The following ABCC8 variants were observed in gnomAD, a reference collection of about 807,000 sequenced individuals.
ABCC8 encodes the protein ATP-binding cassette sub-family C member 8.
Under a neutral mutation model 188.0 loss-of-function variants are expected in ABCC8, and 137 were observed. The ratio of observed to expected loss-of-function variants is 0.73; its 90% CI spans 0.63 to 0.84. The LOEUF (loss-of-function observed/expected upper bound fraction) is 0.84. Ranked by LOEUF, ABCC8 falls within the 40% of genes least tolerant of loss-of-function variation. The probability of loss-of-function intolerance (pLI) is 0.00; values close to 1 mark genes in which losing one functional copy is unlikely to be tolerated. For missense variants in ABCC8, 1,750 were observed against 2,072.7 expected, an observed-to-expected ratio of 0.84 and a Z score of 3.02; for synonymous variants, 797 against 846.5, an observed-to-expected ratio of 0.94 and a Z score of 1.01.
intron 23 of ABCC8, chr11:17,408,124 C>A (rs556379257): frequency 2.7e-6 from 1 of 370,470 alleles, no homozygotes; most frequent in Non-Finnish European, 4.9e-6. Context: ...GTTTTCTTTG[C>A]CAGTTTGAGT....
chr11:17,450,952 G>A (rs1015521947), intron 7 of ABCC8, among the ~76,000 whole-genome samples: 2 of 152,038 alleles, frequency 1.3e-5, no homozygotes, highest in Non-Finnish European at 1.5e-5. Context: ...CTCCCAAAGC[G>A]CTGGGATTAC....
Position 17,470,231 on chromosome 11 carries a change from G to A in ABCC8, c.291-9C>T, listed in dbSNP as rs757385824. ...GGTGGGATTCGGTCACCCTGAGATG[G>A]GAGAGAGAAACAGACAGGATGGGGA... is the stretch of plus-strand genomic sequence containing the variant. On this transcript the variant is annotated splice_polypyrimidine_tract_variant and intron_variant, in intron 2 of 38. Coordinates refer to ENST00000389817, the MANE Select transcript of ABCC8 (RefSeq NM_000352.6). 11 of 1,613,910 alleles carry A rather than the reference G, an allele frequency of 6.8e-6. 1 individual carries two copies. In the South Asian group the frequency reaches 1.1e-4, roughly 16 times the overall value.
intron 23 of ABCC8, 97 bp from the exon 24 acceptor site, chr11:17,407,550 C>T (rs951507569): frequency 6.4e-7 from 1 of 1,573,110 alleles, no homozygotes; most frequent in Non-Finnish European, 8.6e-7. Flanking sequence ...TGACCAATGT[C>T]AGATTTCTAC....
intron 10 of ABCC8, chr11:17,435,751 T>G: frequency 7.4e-7 from 1 of 1,347,090 alleles, no homozygotes; most frequent in South Asian, 1.2e-5. Flanking sequence ...CTGGGGAATC[T>G]TCAGGCCTTT....
intron 12 of ABCC8, chr11:17,429,679 C>G (rs1213972028): frequency 6.6e-6 from 1 of 152,192 alleles, no homozygotes; most frequent in Non-Finnish European, 1.5e-5. Context: ...GCAGGTGCAG[C>G]GTTCTTAAAT....
rs1385393393 is a variant in ABCC8 at position 17,476,610 on chromosome 11, G to T, written c.148+19C>A. On this transcript the variant is annotated intron_variant, in intron 1 of 38. Transcript: ENST00000389817. ...CTGCTCTCCCGTCCCCTCCTCCGCG[G>T]CTCGCTGCGCGCACTCACCAATGAA... is the stretch of plus-strand genomic sequence containing the variant. The T allele has an allele frequency of 6.8e-6, 11 of 1,608,712 alleles. No individual in the cohort carries two copies.
At position 17,450,316 on chromosome 11, in the gene ABCC8, T is replaced by TC. The variant is rs1564959408; in HGVS notation, c.1177-1646_1177-1645insG. Among the ~76,000 whole-genome samples the TC allele has an allele frequency of 2.5e-3, 295 of 116,152 alleles. 4 individuals carry two copies. Among genetic ancestry groups the TC allele is most frequent in the African/African-American group, 0.01 (285 of 27,256 alleles). The allele number at this position is 116,152 out of a possible 152,430, so 76.2% of individuals were successfully genotyped here. On this transcript the variant is annotated intron_variant, in intron 7 of 38. Coordinates refer to ENST00000389817, the MANE Select transcript of ABCC8 (RefSeq NM_000352.6). The stretch of plus-strand genomic sequence containing the variant: ...TTTCTTTCTTTCTTTCTTTCTTTCT[T>TC]TCTTTCTTTCTCTCTCTCTCTTTCC...
chr11:17,443,249 C>T lies in ABCC8; in HGVS notation c.1396G>A (p.Val466Ile), dbSNP rs369296651. 8 of 1,614,028 alleles carry T rather than the reference C, an allele frequency of 5.0e-6. No homozygotes were observed. The African/African-American group carries it at 9.3e-5, about 19-fold the overall frequency. ...TGGACAGGAGCCAGTAGAATGATGA[C>T]AGCTGCTCCAATTAAGGCACTGACT... ...LGVSALIGAA[V>I]IILLAPVQYF... Residue 466 changes from valine to isoleucine, a missense_variant, in exon 9 of 39, where the codon GTC becomes ATC. By Grantham distance (29) the Val-to-Ile change is conservative. Coordinates refer to ENST00000389817, the MANE Select transcript of ABCC8 (RefSeq NM_000352.6).
At chr11:17,440,055 A>C (rs934385961) in intron 10 of ABCC8, among the ~76,000 whole-genome samples, 1 of 152,192 alleles carries the variant, frequency 6.6e-6, no homozygotes, top group African/African-American at 2.4e-5. Flanking sequence ...CATATCTCTT[A>C]GGAGCAGTCA....
At chr11:17,408,114 G>A (rs1954628037) in intron 23 of ABCC8, 1 of 356,822 alleles carries the variant, frequency 2.8e-6, no homozygotes, top group Admixed American at 4.4e-5. Flanking sequence ...TCTTTGCTTA[G>A]TTTTCTTTGC....
intron 16 of ABCC8, among the ~76,000 whole-genome samples, chr11:17,419,101 G>A (rs1271159465): frequency 6.6e-6 from 1 of 152,202 alleles, no homozygotes; most frequent in Non-Finnish European, 1.5e-5. Flanking sequence ...TCTCTTTCCA[G>A]TGTAGCCCCA....
intron 33 of ABCC8, 118 bp downstream of exon 33, chr11:17,396,798 A>AGTG: frequency 7.7e-7 from 1 of 1,299,166 alleles, no homozygotes; most frequent in Non-Finnish European, 1.1e-6. Flanking sequence ...ATGTCTGAAT[A>AGTG]GTGAGAGGCC....
Position 17,397,720 on chromosome 11 carries a change from AGCAGAGAGCTCCCTGT to A in ABCC8, c.3815_3830del (p.His1272LeufsTer12). On this transcript the variant is annotated frameshift_variant, in exon 31 of 39. Transcript: ENST00000389817. LOFTEE classifies it high-confidence loss of function. ...AGGTAAGGCCCAGGCCCACCAGGCC[AGCAGAGAGCTCCCTGT>A]GCAGGGAGTTGGAGATGGAGGTCAC... 1 of 1,613,716 alleles carries A rather than the reference AGCAGAGAGCTCCCTGT, an allele frequency of 6.2e-7. No individual in the cohort carries two copies. Among genetic ancestry groups the A allele is most frequent in the Non-Finnish European group, 8.5e-7 (1 of 1,179,996 alleles).
In ABCC8 at chr11:17,407,218, A is replaced by G; in HGVS notation, c.2921-89T>C. 2.5e-6 allele frequency: 4 copies of G among 1,605,936 alleles called. No homozygotes were observed. In the South Asian group the frequency reaches 3.3e-5, roughly 13 times the overall value. ...CATTTTATCCCCACTTACTGAGGGGACAACGGGGGCACACAGAGGGAAGCC... is the reference window on the plus strand; with the variant it reads ...CATTTTATCCCCACTTACTGAGGGGGCAACGGGGGCACACAGAGGGAAGCC... On this transcript the variant is annotated intron_variant, in intron 24 of 38. Coordinates refer to ENST00000389817, the MANE Select transcript of ABCC8 (RefSeq NM_000352.6).
chr11:17,452,334 G>A (rs1956846606), intron 7 of ABCC8, among the ~76,000 whole-genome samples: 2 of 152,142 alleles, frequency 1.3e-5, no homozygotes, highest in Admixed American at 6.5e-5. Flanking sequence ...AAGACTTAAG[G>A]GTTCAAATAG....
intron 6 of ABCC8, among the ~76,000 whole-genome samples, chr11:17,456,770 G>A (rs529717532): frequency 1.7e-4 from 26 of 152,318 alleles, no homozygotes; most frequent in South Asian, 1.2e-3. Context: ...GCTATGAAGG[G>A]ACTTCAGAGA....
chr11:17,432,036 T>G (rs1322427657), intron 11 of ABCC8, among the ~76,000 whole-genome samples, 168 bp downstream of exon 11: 2 of 151,878 alleles, frequency 1.3e-5, no homozygotes, highest in South Asian at 2.1e-4. Flanking sequence ...TCGGCTGGAG[T>G]TGGGGAGGGG....
intron 20 of ABCC8, 69 bp downstream of exon 20, chr11:17,413,325 G>T: frequency 6.3e-7 from 1 of 1,590,920 alleles, no homozygotes. Context: ...ATTGTCCTGA[G>T]TAGTGTCTCA....
At chr11:17,447,312 G>T (rs918856425) in intron 8 of ABCC8, among the ~76,000 whole-genome samples, 2 of 152,314 alleles carry the variant, frequency 1.3e-5, no homozygotes, top group Middle Eastern at 3.4e-3. Context: ...CATGAAGCCC[G>T]AGGTCAGATC....
Sources: allele counts gnomAD v4.1 joint callset (sites outside exome capture counted in the v4.1 genomes callset), GRCh38; gene constraint gnomAD v4.1.1; transcripts MANE v1.5; gene names NCBI Gene and HGNC (gene_info 2026-07-23, HGNC 2026-07-21).